The following EGFLAM variants were observed in gnomAD, a reference collection of about 807,000 sequenced individuals.
EGFLAM encodes EGF like, fibronectin type III and laminin G domains, also known as pikachurin.
EGFLAM carries 79 observed loss-of-function variants against 113.1 expected under a neutral mutation model. The ratio of observed to expected loss-of-function variants is 0.70; its 90% CI spans 0.58 to 0.84. The LOEUF is 0.84. Ranked by LOEUF, EGFLAM falls within the 40% of genes least tolerant of loss-of-function variation. The probability of loss-of-function intolerance (pLI) is 0.00; values close to 1 mark genes in which losing one functional copy is unlikely to be tolerated. For missense variants in EGFLAM, 1,265 were observed against 1,291.6 expected (o/e 0.98, Z 0.32); for synonymous variants, 504 against 487.6 (o/e 1.03, Z -0.44).
chr5:38,389,046 T>C (rs1740745463), intron 6 of EGFLAM, among the ~76,000 whole-genome samples: 1 of 152,130 alleles, frequency 6.6e-6, no homozygotes, highest in East Asian at 1.9e-4. Flanking sequence ...TGATGAATAG[T>C]GACTTTCAAA....
chr5:38,370,230 C>T (rs533489734), intron 5 of EGFLAM, 66 bp from the exon 6 acceptor site: 2 of 1,535,896 alleles, frequency 1.3e-6, no homozygotes, highest in South Asian at 1.2e-5. Flanking sequence ...TTTACATAGC[C>T]AGCTAGCTTC....
intron 17 of EGFLAM, among the ~76,000 whole-genome samples, chr5:38,442,937 G>A (rs371791014): frequency 1.3e-5 from 2 of 152,298 alleles, no homozygotes; most frequent in East Asian, 1.9e-4. Context: ...ACATTCAGAC[G>A]CCCTGATATC....
At chr5:38,322,873 T>C (rs16903936) in intron 1 of EGFLAM, among the ~76,000 whole-genome samples, 17,813 of 152,216 alleles carry the variant, frequency 0.12, 1,086 homozygotes, top group South Asian at 0.18. Flanking sequence ...ACTGGCAACT[T>C]CTTTAATCCA....
chr5:38,333,536 ATTTTTCTAATGATCAGT>A, intron 1 of EGFLAM, among the ~76,000 whole-genome samples: 1 of 151,630 alleles, frequency 6.6e-6, no homozygotes, highest in Admixed American at 6.6e-5. Context: ...TTTGATTTGC[ATTTTTCTAATGATCAGT>A]GATGTTGAGC....
chr5:38,448,587 T>C (rs1223787238), intron 18 of EGFLAM, among the ~76,000 whole-genome samples: 2 of 152,134 alleles, frequency 1.3e-5, no homozygotes, highest in African/African-American at 4.8e-5. Context: ...ACTTGAGAAA[T>C]TGACCTTTCA....
chr5:38,452,608 A>G (rs910347219), intron 19 of EGFLAM, among the ~76,000 whole-genome samples: 3 of 152,022 alleles, frequency 2.0e-5, no homozygotes, highest in African/African-American at 7.3e-5. Context: ...GAGGTCTAAA[A>G]CCCTAAGCTC....
chr5:38,307,009 C>T (rs930834292), intron 1 of EGFLAM, among the ~76,000 whole-genome samples: 1 of 152,232 alleles, frequency 6.6e-6, no homozygotes, highest in Non-Finnish European at 1.5e-5. Flanking sequence ...GCCAACTGCA[C>T]TAGTGCCTAG....
chr5:38,436,329 C>T (rs986582527), intron 16 of EGFLAM, among the ~76,000 whole-genome samples: 3 of 152,074 alleles, frequency 2.0e-5, no homozygotes, highest in Non-Finnish European at 4.4e-5. Context: ...GCTAAAGGAT[C>T]CTTTTTGGAC....
intron 6 of EGFLAM, among the ~76,000 whole-genome samples, chr5:38,376,732 A>G (rs1441492359): frequency 6.6e-6 from 1 of 152,158 alleles, no homozygotes; most frequent in Non-Finnish European, 1.5e-5. Flanking sequence ...GTGCAGTGCC[A>G]TGATCTCAGT....
At chr5:38,445,383 T>G in intron 17 of EGFLAM, 1 of 927,206 alleles carries the variant, frequency 1.1e-6, no homozygotes, top group Non-Finnish European at 1.5e-6. Flanking sequence ...GCCTCAGAAG[T>G]GTCAGACAGC....
At chr5:38,385,949 C>T (rs573201872) in intron 6 of EGFLAM, among the ~76,000 whole-genome samples, 1 of 152,308 alleles carries the variant, frequency 6.6e-6, no homozygotes, top group Non-Finnish European at 1.5e-5. Context: ...TAGCTTATTG[C>T]TCCTGGGCTA....
chr5:38,462,089 A>AC (rs948667593), intron 20 of EGFLAM, among the ~76,000 whole-genome samples: 2 of 151,966 alleles, frequency 1.3e-5, no homozygotes, highest in Non-Finnish European at 2.9e-5. Flanking sequence ...AATGGCGTGA[A>AC]CCCCGGGGGG....
chr5:38,457,057 C>T (rs1373946018), intron 19 of EGFLAM, among the ~76,000 whole-genome samples: 2 of 152,104 alleles, frequency 1.3e-5, no homozygotes, highest in African/African-American at 2.4e-5. Context: ...CTTATGGTAT[C>T]GGGGTATCTG....
chr5:38,450,131 A>G (rs1245325912), intron 18 of EGFLAM, among the ~76,000 whole-genome samples: 1 of 152,212 alleles, frequency 6.6e-6, no homozygotes, highest in Non-Finnish European at 1.5e-5. Flanking sequence ...CTGTGCTGCC[A>G]CATGCCTGCC....
chr5:38,423,039 G>A (rs545418185), intron 12 of EGFLAM, among the ~76,000 whole-genome samples: 195 of 152,078 alleles, frequency 1.3e-3, no homozygotes, highest in African/African-American at 4.6e-3. Context: ...ACCAGCACTG[G>A]GTATTTCCAC....
chr5:38,417,619 T>C (rs1325054001), intron 11 of EGFLAM, among the ~76,000 whole-genome samples: 1 of 151,036 alleles, frequency 6.6e-6, no homozygotes, highest in African/African-American at 2.4e-5. Context: ...AGTATAAAGG[T>C]GACTAGGACA....
intron 20 of EGFLAM, 144 bp from the exon 21 acceptor site, chr5:38,462,764 C>A: frequency 1.1e-6 from 1 of 919,940 alleles, no homozygotes; most frequent in South Asian, 1.7e-5. Flanking sequence ...TTGCTTTTTG[C>A]TTTGATTTCT....
chr5:38,384,911 TG>T (rs913766293), intron 6 of EGFLAM, among the ~76,000 whole-genome samples: 1 of 152,044 alleles, frequency 6.6e-6, no homozygotes, highest in Non-Finnish European at 1.5e-5. Flanking sequence ...CTGTCACAAC[TG>T]GGGGGAAAGT....
At chr5:38,431,364 G>A in intron 15 of EGFLAM, 76 bp downstream of exon 15, 4 of 1,433,930 alleles carry the variant, frequency 2.8e-6, no homozygotes, top group Non-Finnish European at 3.8e-6. Context: ...TGGTAGAAAA[G>A]CAGCAGAGTG....
Sources: allele counts gnomAD v4.1 joint callset (sites outside exome capture counted in the v4.1 genomes callset), GRCh38; gene constraint gnomAD v4.1.1; transcripts MANE v1.5; gene names NCBI Gene and HGNC (gene_info 2026-07-23, HGNC 2026-07-21).